KCNH8: variants seen among roughly 807,000 people sequenced by gnomAD.
The protein encoded by KCNH8 is potassium voltage-gated channel subfamily H member 8, also known as voltage-gated delayed rectifier potassium channel KCNH8.
In KCNH8, 70 loss-of-function variants were observed where a neutral mutation model predicts 103.6. The observed-to-expected ratio is 0.68, with a 90% CI of 0.56 to 0.82. The LOEUF is 0.82. KCNH8 is among the 40% of genes least tolerant of loss of function. KCNH8 has a pLI of 0.00. For missense variants in KCNH8, 1,217 were observed against 1,329.9 expected (o/e 0.92, Z 1.32); for synonymous variants, 498 against 489.4 (o/e 1.02, Z -0.23).
intron 2 of KCNH8, among the ~76,000 whole-genome samples, chr3:19,271,825 G>A (rs966093825): frequency 7.9e-5 from 12 of 152,086 alleles, no homozygotes; most frequent in Admixed American, 4.6e-4. Context: ...CACATGCAAC[G>A]CCATCTAAAT....
chr3:19,504,574 G>T (rs1180698029), intron 11 of KCNH8, among the ~76,000 whole-genome samples: 1 of 152,062 alleles, frequency 6.6e-6, no homozygotes, highest in African/African-American at 2.4e-5. Context: ...ACAGTCATAT[G>T]AAAAAAAGCT....
intron 5 of KCNH8, among the ~76,000 whole-genome samples, chr3:19,375,770 A>C (rs2066185508): frequency 6.6e-6 from 1 of 151,088 alleles, no homozygotes; most frequent in African/African-American, 2.4e-5. Context: ...ATGGTGATGT[A>C]CAGATGGGTT....
In KCNH8 at chr3:19,354,776, C is replaced by T. The variant is rs1374039315; in HGVS notation, c.811+6811C>T. Among the ~76,000 whole-genome samples the T allele has an allele frequency of 3.3e-5, 5 of 152,214 alleles. No homozygotes were observed. The East Asian group carries it at 9.6e-4, about 29-fold the overall frequency. ...AATGTTAGACCTAAAACCATAAAAA[C>T]CCTAGAAGAAAACCTAGGCAATACC... On this transcript the variant is annotated intron_variant, in intron 5 of 15. Coordinates refer to ENST00000328405, the MANE Select transcript of KCNH8 (RefSeq NM_144633.3).
At chr3:19,258,939 C>CTATA (rs1157867394) in intron 2 of KCNH8, among the ~76,000 whole-genome samples, 21 of 74,078 alleles carry the variant, frequency 2.8e-4, no homozygotes, top group African/African-American at 7.4e-4. Context: ...CTCTCTCTCT[C>CTATA]TCTCTCTCTA....
intron 5 of KCNH8, among the ~76,000 whole-genome samples, chr3:19,375,066 A>G (rs1383717639): frequency 2.0e-5 from 3 of 151,394 alleles, no homozygotes; most frequent in African/African-American, 4.9e-5. Flanking sequence ...ACTTTGGTGA[A>G]TCTGACAATT....
chr3:19,387,749 A>C (rs2066377188), intron 5 of KCNH8, among the ~76,000 whole-genome samples: 1 of 152,140 alleles, frequency 6.6e-6, no homozygotes, highest in African/African-American at 2.4e-5. Context: ...ATTTGTATAG[A>C]TGTTTTAAAA....
At chr3:19,426,120 C>G (rs542415056) in intron 7 of KCNH8, among the ~76,000 whole-genome samples, 1 of 152,222 alleles carries the variant, frequency 6.6e-6, no homozygotes, top group South Asian at 2.1e-4. Context: ...AGCCAGAGCC[C>G]TGGCTTTTTA....
At chr3:19,302,980 G>T (rs2065082875) in intron 3 of KCNH8, among the ~76,000 whole-genome samples, 1 of 152,116 alleles carries the variant, frequency 6.6e-6, no homozygotes, top group South Asian at 2.1e-4. Flanking sequence ...TTTATAGTCA[G>T]TCTTTTATAT....
chr3:19,477,687 GATT>G (rs1368173004), intron 11 of KCNH8, among the ~76,000 whole-genome samples: 1 of 152,050 alleles, frequency 6.6e-6, no homozygotes, highest in East Asian at 1.9e-4. Context: ...AGAGATGCAT[GATT>G]ATTATTGCTA....
intron 8 of KCNH8, among the ~76,000 whole-genome samples, chr3:19,438,716 C>T (rs925970753): frequency 3.3e-5 from 5 of 152,164 alleles, no homozygotes; most frequent in African/African-American, 1.2e-4. Context: ...CACATTTGCC[C>T]TGCCCACTAG....
At chr3:19,213,779 G>A (rs1018630159) in intron 1 of KCNH8, among the ~76,000 whole-genome samples, 5 of 152,168 alleles carry the variant, frequency 3.3e-5, no homozygotes, top group Non-Finnish European at 2.9e-5. Flanking sequence ...GTGCTAGAGG[G>A]ACAATAGAGG....
rs559030083 is a variant in KCNH8, at chr3:19,487,148, G to C, written c.2041-23215G>C. 2.0e-5 allele frequency among the ~76,000 whole-genome samples: 3 copies of C among 152,300 alleles called. No individual in the cohort carries two copies. The East Asian group carries it at 5.8e-4, about 29-fold the overall frequency. On this transcript the variant is annotated intron_variant, in intron 11 of 15. Coordinates refer to ENST00000328405, the MANE Select transcript of KCNH8 (RefSeq NM_144633.3). ...AGTAGGGGAGTTCTTGAACCCTTGGGGAAGCCGGGTCCAAGTGTACTGAGT... is the reference window on the plus strand; with the variant it reads ...AGTAGGGGAGTTCTTGAACCCTTGGCGAAGCCGGGTCCAAGTGTACTGAGT...
chr3:19,214,254 G>C (rs1294205149), intron 1 of KCNH8, among the ~76,000 whole-genome samples: 2 of 152,176 alleles, frequency 1.3e-5, no homozygotes, highest in African/African-American at 4.8e-5. Flanking sequence ...TTTTATCAGA[G>C]TTAATAATTC....
At chr3:19,433,673 A>T (rs2067155338) in intron 7 of KCNH8, among the ~76,000 whole-genome samples, 1 of 152,218 alleles carries the variant, frequency 6.6e-6, no homozygotes, top group Non-Finnish European at 1.5e-5. Context: ...TTATCTCAAA[A>T]GTAGATTGTA....
intron 11 of KCNH8, among the ~76,000 whole-genome samples, chr3:19,479,823 C>T (rs943922752): frequency 5.3e-5 from 8 of 152,088 alleles, no homozygotes; most frequent in African/African-American, 1.2e-4. Flanking sequence ...GTCACCAATA[C>T]TGGTTATGTT....
At chr3:19,498,228 C>A (rs531570082) in intron 11 of KCNH8, among the ~76,000 whole-genome samples, 1 of 152,138 alleles carries the variant, frequency 6.6e-6, no homozygotes, top group Non-Finnish European at 1.5e-5. Flanking sequence ...GAGCATTTAG[C>A]GCATTTACAT....
At chr3:19,354,245 G>A (rs1422377415) in intron 5 of KCNH8, among the ~76,000 whole-genome samples, 1 of 152,116 alleles carries the variant, frequency 6.6e-6, no homozygotes, top group African/African-American at 2.4e-5. Flanking sequence ...ACAAACAAAT[G>A]GAAGAACATT....
At chr3:19,498,844 G>A (rs573952036) in intron 11 of KCNH8, among the ~76,000 whole-genome samples, 9 of 152,026 alleles carry the variant, frequency 5.9e-5, no homozygotes, top group South Asian at 2.1e-4. Flanking sequence ...CCGGCCGTAT[G>A]AGGTGTCAGT....
chr3:19,492,941 T>A (rs992956835), intron 11 of KCNH8, among the ~76,000 whole-genome samples: 4 of 151,824 alleles, frequency 2.6e-5, no homozygotes, highest in Admixed American at 6.6e-5. Context: ...ATCCTCCACC[T>A]CTTTGATTAG....
Sources: gnomAD v4.1 joint callset for allele counts (sites outside exome capture counted in the v4.1 genomes callset) on GRCh38, gnomAD v4.1.1 for gene constraint, MANE v1.5 for transcripts, NCBI Gene and HGNC (gene_info 2026-07-23, HGNC 2026-07-21) for gene names.